The following OTOGL variants were observed in gnomAD, a reference collection of about 807,000 sequenced individuals.
OTOGL encodes the protein otogelin-like protein.
In OTOGL, 285 loss-of-function variants were observed where a neutral mutation model predicts 318.5. That is an observed-to-expected ratio of 0.89 (90% CI 0.81 to 0.99). OTOGL has a LOEUF of 0.99. OTOGL is among the 50% of genes least tolerant of loss of function. The probability of loss-of-function intolerance (pLI) is 0.00; values close to 1 mark genes in which losing one functional copy is unlikely to be tolerated. For synonymous variants in OTOGL, 987 were observed against 936.5 expected (o/e 1.05, Z -0.99); for missense variants, 2,899 against 2,845.6 (o/e 1.02, Z -0.43).
intron 11 of OTOGL, among the ~76,000 whole-genome samples, chr12:80,240,923 A>G (rs1352246762): frequency 1.3e-5 from 2 of 152,130 alleles, no homozygotes; most frequent in Admixed American, 1.3e-4. Context: ...AAACATCACC[A>G]AGTATATGTG....
At position 80,239,446 on chromosome 12, in the gene OTOGL, G is replaced by T; in HGVS notation, c.1052+7G>T. On this transcript the variant is annotated splice_region_variant and intron_variant, in intron 11 of 58. Transcript: ENST00000547103. Reference sequence around the variant, plus strand: ...GTGTTAATGATCTTTGCAAGTAAGTGAAATGACTTGTAGTTGTAATAAAAT... The same window carrying T: ...GTGTTAATGATCTTTGCAAGTAAGTTAAATGACTTGTAGTTGTAATAAAAT... 6.5e-7 allele frequency: 1 copy of T among 1,533,028 alleles called. No homozygotes were observed. The highest frequency in any genetic ancestry group is 2.3e-5 in the East Asian group (1 of 42,790). 95.0% of individuals were successfully genotyped at this position (1,533,028 alleles called of 1,614,324 possible).
chr12:80,154,929 C>T (rs1043592102), intron 1 of OTOGL, among the ~76,000 whole-genome samples: 8 of 152,206 alleles, frequency 5.3e-5, no homozygotes, highest in Admixed American at 2.6e-4. Flanking sequence ...TGCTACACAT[C>T]CTTGCCAGCA....
intron 1 of OTOGL, among the ~76,000 whole-genome samples, chr12:80,196,647 C>T (rs975695785): frequency 6.6e-6 from 1 of 152,168 alleles, no homozygotes; most frequent in Non-Finnish European, 1.5e-5. Context: ...CAGGTGTCTG[C>T]TCTGGGCTTC....
intron 1 of OTOGL, among the ~76,000 whole-genome samples, chr12:80,099,976 G>A (rs1433116632): frequency 3.9e-5 from 6 of 152,096 alleles, no homozygotes; most frequent in East Asian, 1.9e-4. Flanking sequence ...GTTGCTTCAC[G>A]TTAATGGAAA....
chr12:80,117,178 T>C (rs1449592778), intron 1 of OTOGL, among the ~76,000 whole-genome samples: 1 of 152,156 alleles, frequency 6.6e-6, no homozygotes, highest in Non-Finnish European at 1.5e-5. Flanking sequence ...ATATCTGACA[T>C]AATCACTTTT....
At chr12:80,114,828 T>C (rs1054901465) in intron 1 of OTOGL, among the ~76,000 whole-genome samples, 2 of 151,946 alleles carry the variant, frequency 1.3e-5, no homozygotes, top group Non-Finnish European at 2.9e-5. Context: ...CATTTTTTTT[T>C]CTCTAATCTT....
intron 1 of OTOGL, among the ~76,000 whole-genome samples, chr12:80,172,843 C>T (rs1405461525): frequency 6.6e-6 from 1 of 152,092 alleles, no homozygotes; most frequent in African/African-American, 2.4e-5. Flanking sequence ...GAACAAAAAA[C>T]CAAACACTGC....
chr12:80,107,976 C>A lies in OTOGL; in HGVS notation c.-20+8371C>A, dbSNP rs575957719. ...TGGAGGGTGGGAGGAGGGACAGGAT[C>A]AAAAAACTATCTATTGGGTACTATG... On this transcript the variant is annotated intron_variant, in intron 1 of 58. Transcript: ENST00000547103. Among the ~76,000 whole-genome samples, 648 of 151,844 alleles carry A rather than the reference C, an allele frequency of 4.3e-3. 5 individuals carry two copies. Among genetic ancestry groups the A allele is most frequent in the African/African-American group, 0.015 (610 of 41,464 alleles).
rs1342064576 is a variant in OTOGL at position 80,379,549 on chromosome 12, A to G, written c.*1501A>G. 2 of 148,396 alleles carry G rather than the reference A, an allele frequency of 1.3e-5. No homozygotes were observed. Among genetic ancestry groups the G allele is most frequent in the Admixed American group, 6.9e-5 (1 of 14,582 alleles). 9.2% of individuals were successfully genotyped at this position (148,396 alleles called of 1,614,324 possible). On this transcript the variant is annotated 3_prime_UTR_variant, in exon 59 of 59. Transcript: ENST00000547103. ...ATATAAGTGTTCCTGAGATGTTAACATTTCAATATTCTCTGATTCCTATTA... is the reference window on the plus strand; with the variant it reads ...ATATAAGTGTTCCTGAGATGTTAACGTTTCAATATTCTCTGATTCCTATTA...
chr12:80,189,008 AT>A (rs1875494487), intron 1 of OTOGL, among the ~76,000 whole-genome samples: 1 of 152,022 alleles, frequency 6.6e-6, no homozygotes. Flanking sequence ...TGTCTCTTGT[AT>A]TATTTTCCTG....
At chr12:80,311,357 T>C (rs1397522782) in intron 30 of OTOGL, among the ~76,000 whole-genome samples, 1 of 152,248 alleles carries the variant, frequency 6.6e-6, no homozygotes, top group African/African-American at 2.4e-5. Flanking sequence ...TACCATTCTG[T>C]TTCAAAGAAC....
intron 1 of OTOGL, chr12:80,132,601 T>C (rs1036232405): frequency 6.6e-6 from 1 of 152,156 alleles, no homozygotes; most frequent in Non-Finnish European, 1.5e-5. Flanking sequence ...CATCTCTTGC[T>C]GGAGTCTCAA....
chr12:80,365,274 T>C (rs1042742032), intron 52 of OTOGL, among the ~76,000 whole-genome samples: 10 of 152,134 alleles, frequency 6.6e-5, no homozygotes, highest in African/African-American at 2.4e-4. Flanking sequence ...TTGCAGACTT[T>C]ACAGGAGAGG....
intron 57 of OTOGL, among the ~76,000 whole-genome samples, chr12:80,375,062 G>A (rs1891103419): frequency 6.6e-6 from 1 of 152,064 alleles, no homozygotes; most frequent in South Asian, 2.1e-4. Flanking sequence ...ATAATAACAA[G>A]CCACTTCAGT....
At chr12:80,253,825 C>T (rs554854035) in intron 14 of OTOGL, among the ~76,000 whole-genome samples, 4 of 152,100 alleles carry the variant, frequency 2.6e-5, no homozygotes, top group Middle Eastern at 6.8e-3. Context: ...ATTTTCTTAT[C>T]GTTTGTAATC....
intron 30 of OTOGL, among the ~76,000 whole-genome samples, chr12:80,312,935 T>C (rs1490189317): frequency 6.6e-6 from 1 of 152,248 alleles, no homozygotes; most frequent in East Asian, 1.9e-4. Flanking sequence ...CCTCAGCCTC[T>C]TGAGTCCCTT....
At chr12:80,151,769 A>G (rs1037726583) in intron 1 of OTOGL, among the ~76,000 whole-genome samples, 1 of 152,230 alleles carries the variant, frequency 6.6e-6, no homozygotes, top group Non-Finnish European at 1.5e-5. Context: ...AGTCACTAAT[A>G]GACTAGTCAA....
intron 1 of OTOGL, among the ~76,000 whole-genome samples, chr12:80,172,737 C>T (rs940956414): frequency 1.3e-5 from 2 of 152,140 alleles, no homozygotes; most frequent in Non-Finnish European, 2.9e-5. Flanking sequence ...TTTGCAGGCA[C>T]GATCTCGGCT....
chr12:80,271,806 C>G lies in OTOGL; in HGVS notation c.2677C>G (p.Pro893Ala). ...CTGTATAAGTGGCTGTGTTTGTGCT[C>G]CAGGGTAAGCCTCTTCTTCATAATA... ...SPCISGCVCAPGMAEHRGKCY... is the reference protein window; with the variant it reads ...SPCISGCVCAAGMAEHRGKCY... The change falls in exon 24 of 59, where the codon CCA (proline) becomes GCA (alanine). Residue 893 changes from proline to alanine, a missense_variant. Coordinates refer to ENST00000547103, the MANE Select transcript of OTOGL (RefSeq NM_001378609.3). The G allele has an allele frequency of 6.2e-7, 1 of 1,611,110 alleles. No individual in the cohort carries two copies. Among genetic ancestry groups the G allele is most frequent in the Non-Finnish European group, 8.5e-7 (1 of 1,178,384 alleles).
Sources: allele counts gnomAD v4.1 joint callset (sites outside exome capture counted in the v4.1 genomes callset), GRCh38; gene constraint gnomAD v4.1.1; transcripts MANE v1.5; gene names NCBI Gene and HGNC (gene_info 2026-07-23, HGNC 2026-07-21).